The following ANK2 variants were observed in gnomAD, a reference collection of about 807,000 sequenced individuals.
ANK2 encodes ankyrin 2, also known as ankyrin-2.
A neutral mutation model predicts 360.5 loss-of-function variants in ANK2; 83 were observed. The ratio of observed to expected loss-of-function variants is 0.23; its 90% CI spans 0.19 to 0.28. ANK2 has a LOEUF of 0.28. Among genes scored for constraint, ANK2 ranks in the 10% least tolerant of loss-of-function variants. The probability of loss-of-function intolerance (pLI) is 1.00; values close to 1 mark genes in which losing one functional copy is unlikely to be tolerated. For synonymous variants in ANK2, 1,740 were observed against 1,759.5 expected, an observed-to-expected ratio of 0.99 and a Z score of 0.28; for missense variants, 4,201 against 4,795.7, an observed-to-expected ratio of 0.88 and a Z score of 3.66.
chr4:113,006,882 A>G (rs758326613), intron 2 of ANK2, among the ~76,000 whole-genome samples: 10 of 152,154 alleles, frequency 6.6e-5, no homozygotes, highest in Non-Finnish European at 1.2e-4. Flanking sequence ...TTTGTCATGA[A>G]TCCATTATGA....
intron 1 of ANK2, among the ~76,000 whole-genome samples, chr4:112,895,771 CAG>C (rs1490163462): frequency 6.6e-6 from 1 of 152,176 alleles, no homozygotes; most frequent in Non-Finnish European, 1.5e-5. Flanking sequence ...CCTCAAACCA[CAG>C]AGTTTATTTT....
In ANK2 at chr4:113,314,543, C is replaced by T. The variant is rs1365713511; in HGVS notation, c.2693+3144C>T. Among the ~76,000 whole-genome samples the T allele has an allele frequency of 5.3e-5, 8 of 152,072 alleles. No homozygotes were observed. The South Asian group carries it at 1.2e-3, about 24-fold the overall frequency. ...GGCTATGTTATTATACATTTATTAA[C>T]TGAATAGCAGAACCATTGACTTCAT... On this transcript the variant is annotated intron_variant, in intron 24 of 45. Coordinates refer to ENST00000357077, the MANE Select transcript of ANK2 (RefSeq NM_001148.6).
intron 1 of ANK2, among the ~76,000 whole-genome samples, chr4:113,116,687 C>G (rs967723667): frequency 2.0e-4 from 30 of 152,314 alleles, no homozygotes; most frequent in African/African-American, 6.5e-4. Flanking sequence ...ACGGCAGTAA[C>G]AGCAGTAGCA....
intron 2 of ANK2, among the ~76,000 whole-genome samples, chr4:112,943,752 A>T (rs939004542): frequency 4.6e-5 from 7 of 152,130 alleles, no homozygotes; most frequent in African/African-American, 1.2e-4. Flanking sequence ...TCGAGCCTAC[A>T]TTGTTTTTCT....
At chr4:113,373,493 C>A (rs759529544) in intron 45 of ANK2, 44 bp downstream of exon 45, 6 of 1,579,776 alleles carry the variant, frequency 3.8e-6, no homozygotes, top group East Asian at 2.2e-5. Flanking sequence ...TGGAGAGGAA[C>A]AAAATAGAGC....
At chr4:112,948,137 G>A (rs1294047316) in intron 2 of ANK2, among the ~76,000 whole-genome samples, 1 of 152,018 alleles carries the variant, frequency 6.6e-6, no homozygotes. Flanking sequence ...GGACAAAAGT[G>A]TTTGTAGGTT....
Position 113,318,676 on chromosome 4 carries a change from A to C in ANK2, c.2900+56A>C, listed in dbSNP as rs146203360. On this transcript the variant is annotated intron_variant, in intron 26 of 45. Coordinates refer to ENST00000357077, the MANE Select transcript of ANK2 (RefSeq NM_001148.6). ...AAGAGGTAAAAAGAGATGGGAGTGA[A>C]AACAACAGCTTTGTCCAGTAGCTTT... 692 of 1,427,860 alleles carry C rather than the reference A, an allele frequency of 4.8e-4. 4 individuals are homozygous for C. The African/African-American group carries it at 8.5e-3, about 17-fold the overall frequency. 88.4% of individuals were successfully genotyped at this position (1,427,860 alleles called of 1,614,324 possible).
At chr4:112,872,925 T>C (rs2073759239) in intron 1 of ANK2, among the ~76,000 whole-genome samples, 1 of 152,168 alleles carries the variant, frequency 6.6e-6, no homozygotes. Context: ...AGATTTTCTA[T>C]TTCTTCTTTT....
At chr4:112,832,729 C>T (rs2060077242) in intron 1 of ANK2, among the ~76,000 whole-genome samples, 1 of 152,146 alleles carries the variant, frequency 6.6e-6, no homozygotes, top group South Asian at 2.1e-4. Context: ...CCATGGTCTT[C>T]TACTGTTATG....
At chr4:113,263,889 C>T (rs2054435521) in intron 13 of ANK2, among the ~76,000 whole-genome samples, 1 of 152,174 alleles carries the variant, frequency 6.6e-6, no homozygotes, top group South Asian at 2.1e-4. Context: ...AAACCTCTCT[C>T]TTAGAGACAG....
intron 2 of ANK2, among the ~76,000 whole-genome samples, chr4:112,993,416 C>T (rs1450705439): frequency 1.3e-5 from 2 of 151,864 alleles, no homozygotes; most frequent in Non-Finnish European, 2.9e-5. Flanking sequence ...AATTCTCTGC[C>T]TCAGCCTTCG....
chr4:112,898,867 T>C (rs932573416), intron 1 of ANK2, among the ~76,000 whole-genome samples: 4 of 152,182 alleles, frequency 2.6e-5, no homozygotes, highest in African/African-American at 9.7e-5. Flanking sequence ...AGGATGGTAT[T>C]TTTCTCTGGG....
In ANK2 at chr4:113,078,902, A is replaced by C. The variant is rs192569892; in HGVS notation, c.84+29090A>C. On this transcript the variant is annotated intron_variant, in intron 1 of 45. Transcript: ENST00000357077. ...ACTTTCTTCTTAAACTCATATTTTA[A>C]TATACAAATAAGATTTCTAAATCCC... 2.0e-4 allele frequency among the ~76,000 whole-genome samples: 31 copies of C among 152,378 alleles called. 1 individual carries two copies. The highest frequency in any genetic ancestry group is 1.7e-3 in the Admixed American group (26 of 15,310).
intron 43 of ANK2, among the ~76,000 whole-genome samples, chr4:113,371,025 T>C (rs2096719502): frequency 6.6e-6 from 1 of 152,166 alleles, no homozygotes; most frequent in South Asian, 2.1e-4. Flanking sequence ...AAATTAGATA[T>C]TGTTTTTTCT....
Position 113,293,618 on chromosome 4 carries a change from C to T in ANK2, c.2475+80C>T, listed in dbSNP as rs1002611548. 1.2e-4 allele frequency: 167 copies of T among 1,342,352 alleles called. 1 individual carries two copies. The highest frequency in any genetic ancestry group is 3.6e-4 in the Middle Eastern group (2 of 5,568). 83.2% of individuals were successfully genotyped at this position (1,342,352 alleles called of 1,614,324 possible). ...AATACATGTACAGTACTTTTTCACT[C>T]ACAAGATGTTTGGAGCTTTTAGTTT... On this transcript the variant is annotated intron_variant, in intron 22 of 45. Coordinates refer to ENST00000357077, the MANE Select transcript of ANK2 (RefSeq NM_001148.6).
intron 1 of ANK2, among the ~76,000 whole-genome samples, chr4:112,869,258 A>G (rs948440228): frequency 6.6e-6 from 1 of 151,744 alleles, no homozygotes; most frequent in Non-Finnish European, 1.5e-5. Context: ...ATGAGCCACC[A>G]CACTTGGGCT....
chr4:113,016,799 T>C (rs147139950), intron 2 of ANK2, among the ~76,000 whole-genome samples: 1,891 of 152,310 alleles, frequency 0.012, 43 homozygotes, highest in African/African-American at 0.043. Flanking sequence ...AAAGAACTAC[T>C]GAGGACAAGA....
chr4:112,805,315 A>T, the ANK2 span, among the ~76,000 whole-genome samples: 3,535 of 152,274 alleles, frequency 0.023, 115 homozygotes, highest in African/African-American at 0.079. Flanking sequence ...AGCTTCATAC[A>T]TTTTTATGAA....
Position 113,357,589 on chromosome 4 carries a change from C to G in ANK2, c.8971C>G (p.Gln2991Glu), listed in dbSNP as rs760748003. The change falls in exon 38 of 46, where the codon CAG becomes GAG. Residue 2991 changes from glutamine (Q) to glutamate (E), a missense_variant. Around this residue, in one of 4 missense-constraint regions of ANK2, gnomAD observed 2,642 missense variants for 2,714.5 expected, o/e 0.97. Coordinates refer to ENST00000357077, the MANE Select transcript of ANK2 (RefSeq NM_001148.6). ...AAGCAAAGAATCTAATTTTGAGGGC[C>G]AGGACATAAAAATGGAATCCCAACA... ...VLSKESNFEG[Q>E]DIKMESQQES... is the part of the protein sequence containing the mutation. 1 of 1,614,118 alleles carries G rather than the reference C, an allele frequency of 6.2e-7. No individual in the cohort carries two copies. Among genetic ancestry groups the G allele is most frequent in the Admixed American group, 1.7e-5 (1 of 60,010 alleles).
Sources: allele counts gnomAD v4.1 joint callset (sites outside exome capture counted in the v4.1 genomes callset), GRCh38; gene constraint gnomAD v4.1.1; regional missense constraint gnomAD v4.1.1; transcripts MANE v1.5; gene names NCBI Gene and HGNC (gene_info 2026-07-23, HGNC 2026-07-21).